Variants in LYRM4 observed in about 807,000 individuals in gnomAD.
LYRM4 encodes LYR motif containing 4.
Under a neutral mutation model 11.7 loss-of-function variants are expected in LYRM4, and 9 were observed. The ratio of observed to expected loss-of-function variants is 0.77; its 90% confidence interval spans 0.46 to 1.34. The LOEUF (loss-of-function observed/expected upper bound fraction) is 1.34. Among genes scored for constraint, LYRM4 ranks in the 40% most tolerant of loss-of-function variants. The probability of loss-of-function intolerance (pLI) is 0.00; values close to 1 mark genes in which losing one functional copy is unlikely to be tolerated. For synonymous variants in LYRM4, 42 were observed against 40.4 expected, an observed-to-expected ratio of 1.04 and a Z score of -0.15; for missense variants, 133 against 112.5, an observed-to-expected ratio of 1.18 and a Z score of -0.82.
the LYRM4 span, chr6:5,065,976 T>C: frequency 3.5e-6 from 1 of 284,140 alleles, no homozygotes; most frequent in South Asian, 5.2e-5. Flanking sequence ...TTAAGTGGTC[T>C]ATTAGATTGG....
intron 2 of LYRM4, among the ~76,000 whole-genome samples, chr6:5,162,498 C>CGAGA (rs368959129): frequency 1.3e-5 from 2 of 148,492 alleles, no homozygotes; most frequent in Admixed American, 6.7e-5. Context: ...AGAGAGCGAG[C>CGAGA]GAGAGAGAGA....
chr6:5,085,376 G>A, the LYRM4 span: 3 of 776,844 alleles, frequency 3.9e-6, no homozygotes. Context: ...CTCGCCTCGG[G>A]GAGGGCGAGC....
chr6:5,221,471 G>A (rs567044188), intron 1 of LYRM4, among the ~76,000 whole-genome samples: 6 of 152,060 alleles, frequency 3.9e-5, no homozygotes, highest in Non-Finnish European at 8.8e-5. Flanking sequence ...AAGGCGGGCG[G>A]ATCACGAGGT....
At chr6:5,106,145 C>G (rs17139431), downstream of LYRM4, 16,246 of 152,314 alleles carry the variant, frequency 0.11, 965 homozygotes, top group South Asian at 0.23. Context: ...ATATTTCCCT[C>G]TTTGTAACAT....
chr6:5,165,653 C>T (rs1012084973), intron 2 of LYRM4, among the ~76,000 whole-genome samples: 2 of 152,034 alleles, frequency 1.3e-5, no homozygotes, highest in Non-Finnish European at 2.9e-5. Context: ...AATGATTCTC[C>T]TGCCTCAGCC....
chr6:5,137,087 C>A (rs986995228), intron 2 of LYRM4, among the ~76,000 whole-genome samples: 1 of 152,192 alleles, frequency 6.6e-6, no homozygotes, highest in African/African-American at 2.4e-5. Flanking sequence ...CGAAATCACA[C>A]AATGCGTGAC....
chr6:5,100,533 C>T (rs1762466743), downstream of LYRM4, among the ~76,000 whole-genome samples: 1 of 151,078 alleles, frequency 6.6e-6, no homozygotes, highest in East Asian at 2.0e-4. Context: ...AGTACTTCGC[C>T]TACTTGGGGA....
intron 1 of LYRM4, chr6:5,240,668 G>C (rs1452988315): frequency 6.6e-6 from 1 of 152,258 alleles, no homozygotes; most frequent in Non-Finnish European, 1.5e-5. Context: ...ACCCGCAGCA[G>C]TAGTATCCAA....
chr6:5,057,725 G>GA, the LYRM4 span, among the ~76,000 whole-genome samples: 1,528 of 134,516 alleles, frequency 0.011, 24 homozygotes, highest in South Asian at 0.046. Flanking sequence ...AAAAAAAAAA[G>GA]AAAAAAAAAA....
At chr6:5,221,155 G>T (rs1179155537) in intron 1 of LYRM4, among the ~76,000 whole-genome samples, 1 of 152,040 alleles carries the variant, frequency 6.6e-6, no homozygotes, top group Non-Finnish European at 1.5e-5. Context: ...CTCCTTTGTG[G>T]GCTCATCTCA....
the LYRM4 span, among the ~76,000 whole-genome samples, chr6:5,058,407 G>A: frequency 6.6e-6 from 1 of 152,144 alleles, no homozygotes; most frequent in African/African-American, 2.4e-5. Flanking sequence ...AAGGTCCGGG[G>A]CTTAACATCC....
the LYRM4 span, among the ~76,000 whole-genome samples, chr6:5,072,747 T>TTTTG: frequency 3.3e-5 from 5 of 152,048 alleles, no homozygotes; most frequent in Non-Finnish European, 7.4e-5. Context: ...AAGACCAGGT[T>TTTTG]TTTGTTTGTT....
At chr6:5,147,564 T>C (rs1757795646) in intron 2 of LYRM4, among the ~76,000 whole-genome samples, 1 of 152,158 alleles carries the variant, frequency 6.6e-6, no homozygotes, top group Non-Finnish European at 1.5e-5. Flanking sequence ...GTAGAAAAAG[T>C]CCTTGAATTT....
chr6:5,185,990 T>C (rs1760369121), intron 2 of LYRM4, among the ~76,000 whole-genome samples: 1 of 152,034 alleles, frequency 6.6e-6, no homozygotes, highest in Non-Finnish European at 1.5e-5. Context: ...GTCAGACGCT[T>C]TGGACAGGTC....
intron 2 of LYRM4, among the ~76,000 whole-genome samples, chr6:5,148,869 G>T (rs1157974510): frequency 6.6e-6 from 1 of 152,178 alleles, no homozygotes; most frequent in Non-Finnish European, 1.5e-5. Flanking sequence ...GCGCTTCCAA[G>T]TATAAAATTA....
chr6:5,214,409 G>A (rs563110823), intron 2 of LYRM4, among the ~76,000 whole-genome samples: 1 of 152,258 alleles, frequency 6.6e-6, no homozygotes, highest in African/African-American at 2.4e-5. Context: ...GGAGAGGAGT[G>A]CAATGGAGGG....
chr6:5,050,024 C>A, the LYRM4 span, among the ~76,000 whole-genome samples: 6 of 152,224 alleles, frequency 3.9e-5, no homozygotes. Flanking sequence ...CATAGACATC[C>A]AAATCCTGCA....
At chr6:5,168,335 A>G (rs1759212061) in intron 2 of LYRM4, among the ~76,000 whole-genome samples, 1 of 152,228 alleles carries the variant, frequency 6.6e-6, no homozygotes, top group African/African-American at 2.4e-5. Context: ...GACAAGGAGA[A>G]AGAGAGATCT....
At chr6:5,216,586 A>G (rs1432749294) in intron 2 of LYRM4, 32 bp downstream of exon 2, 3 of 1,612,766 alleles carry the variant, frequency 1.9e-6, no homozygotes, top group Admixed American at 1.7e-5. Flanking sequence ...AAAGCTCTTA[A>G]TGAAAAACAG....
Sources: gnomAD v4.1 joint callset for allele counts (sites outside exome capture counted in the v4.1 genomes callset) on GRCh38, gnomAD v4.1.1 for gene constraint, MANE v1.5 for transcripts, NCBI Gene and HGNC (gene_info 2026-07-23, HGNC 2026-07-21) for gene names.